FRMD4A: variants seen among roughly 807,000 people sequenced by gnomAD.
The protein encoded by FRMD4A is FERM domain-containing protein 4A.
Under a neutral mutation model 129.1 loss-of-function variants are expected in FRMD4A, and 29 were observed. That is an observed-to-expected ratio of 0.22 (90% CI 0.17 to 0.31). The LOEUF is 0.31. Ranked by LOEUF, FRMD4A falls within the 10% of genes least tolerant of loss-of-function variation. FRMD4A has a pLI of 1.00. For synonymous variants in FRMD4A, 634 were observed against 571.6 expected (o/e 1.11, Z -1.56); for missense variants, 1,272 against 1,375.8 (o/e 0.92, Z 1.19).
chr10:13,734,664 T>A (rs962801321), intron 12 of FRMD4A, among the ~76,000 whole-genome samples: 2 of 152,146 alleles, frequency 1.3e-5, no homozygotes, highest in African/African-American at 4.8e-5. Context: ...TTACACCCAG[T>A]TGACGCCTGC....
chr10:13,703,968 G>A (rs2087133905), intron 13 of FRMD4A, among the ~76,000 whole-genome samples: 1 of 152,156 alleles, frequency 6.6e-6, no homozygotes, highest in Non-Finnish European at 1.5e-5. Flanking sequence ...TGGCGCCACT[G>A]CATTCCAGCC....
At chr10:14,251,534 C>G (rs1380456713) in intron 2 of FRMD4A, among the ~76,000 whole-genome samples, 1 of 152,206 alleles carries the variant, frequency 6.6e-6, no homozygotes. Context: ...CCCAATTTCC[C>G]ATCCACAGAA....
Position 13,971,752 on chromosome 10 carries a change from G to A in FRMD4A, c.46-112840C>T, listed in dbSNP as rs767119610. 20 of 1,304,430 alleles carry A rather than the reference G, an allele frequency of 1.5e-5. 1 individual carries two copies. The South Asian group carries it at 2.5e-4, about 16-fold the overall frequency. 80.8% of individuals were successfully genotyped at this position (1,304,430 alleles called of 1,614,324 possible). A position where few individuals can be genotyped will look rare whatever the true frequency, so the allele number is the denominator to read the frequency against. ...AGGTCCTCAGCGCCCGACAAGTCAG[G>A]TTCCAACTCCACGGTGGGTCCTCAG... On this transcript the variant is annotated intron_variant, in intron 2 of 24. Coordinates refer to ENST00000357447, the MANE Select transcript of FRMD4A (RefSeq NM_018027.5).
chr10:13,806,621 C>G (rs78043046), intron 4 of FRMD4A, among the ~76,000 whole-genome samples: 1 of 152,102 alleles, frequency 6.6e-6, no homozygotes, highest in Non-Finnish European at 1.5e-5. Flanking sequence ...GCAACATGCC[C>G]GCTGTCTAGA....
intron 3 of FRMD4A, among the ~76,000 whole-genome samples, chr10:13,857,640 C>G (rs752210320): frequency 3.9e-5 from 6 of 152,182 alleles, no homozygotes; most frequent in Admixed American, 2.6e-4. Flanking sequence ...TGTCTGCATG[C>G]GAGTTTCCCC....
intron 2 of FRMD4A, among the ~76,000 whole-genome samples, chr10:14,100,925 T>C (rs1837268463): frequency 6.6e-6 from 1 of 152,196 alleles, no homozygotes; most frequent in Admixed American, 6.5e-5. Flanking sequence ...TGTACAAGTC[T>C]TTCGGCATCT....
rs140409080 is a variant in FRMD4A, at chr10:14,236,525, G to A, written c.45+93533C>T. 3.7e-4 allele frequency among the ~76,000 whole-genome samples: 56 copies of A among 152,294 alleles called. No individual in the cohort carries two copies. The East Asian group carries it at 9.1e-3, about 25-fold the overall frequency. On this transcript the variant is annotated intron_variant, in intron 2 of 24. Coordinates refer to ENST00000357447, the MANE Select transcript of FRMD4A (RefSeq NM_018027.5). ...ATGCTTGCTGCTGCTGCTGGAGCCT[G>A]GGTCAGCTCTGCGGATCACCACCTG...
At chr10:14,100,222 G>A (rs549967721) in intron 2 of FRMD4A, among the ~76,000 whole-genome samples, 1 of 152,312 alleles carries the variant, frequency 6.6e-6, no homozygotes, top group East Asian at 1.9e-4. Context: ...CGCATGTGGT[G>A]AAAGGAAACG....
In FRMD4A at chr10:14,208,469, T is replaced by A. The variant is rs548058599; in HGVS notation, c.45+121589A>T. On this transcript the variant is annotated intron_variant, in intron 2 of 24. Coordinates refer to ENST00000357447, the MANE Select transcript of FRMD4A (RefSeq NM_018027.5). The stretch of plus-strand genomic sequence containing the variant: ...CGCGTGGATGCTGCAGGGGGTGACA[T>A]CCTAGTTAGTCCCAAGAGCCAGACT... Among the ~76,000 whole-genome samples the A allele has an allele frequency of 1.2e-3, 177 of 152,132 alleles. 1 individual carries two copies. The highest frequency in any genetic ancestry group is 4.2e-3 in the African/African-American group (174 of 41,538).
intron 2 of FRMD4A, among the ~76,000 whole-genome samples, chr10:14,278,573 A>G (rs2132056825): frequency 6.6e-6 from 1 of 152,352 alleles, no homozygotes; most frequent in East Asian, 1.9e-4. Context: ...GAAATAAATA[A>G]ATAGGGCCAG....
chr10:13,884,333 AAATAGG>A (rs899674556), intron 2 of FRMD4A, among the ~76,000 whole-genome samples: 2 of 152,158 alleles, frequency 1.3e-5, no homozygotes, highest in African/African-American at 4.8e-5. Context: ...TAATAAATAA[AAATAGG>A]AGTTGAAAAT....
intron 6 of FRMD4A, 57 bp from the exon 7 acceptor site, chr10:13,762,737 C>A: frequency 3.6e-6 from 4 of 1,124,624 alleles, no homozygotes; most frequent in Non-Finnish European, 5.4e-6. Context: ...CCATTTTTTT[C>A]TTTTATTTTA....
At chr10:13,863,666 T>A (rs183031218) in intron 2 of FRMD4A, among the ~76,000 whole-genome samples, 20 of 151,592 alleles carry the variant, frequency 1.3e-4, no homozygotes, top group Admixed American at 3.9e-4. Context: ...GGCAAAAAAA[T>A]ATATATATAG....
At chr10:14,126,796 A>G (rs1160188585) in intron 2 of FRMD4A, among the ~76,000 whole-genome samples, 5 of 152,132 alleles carry the variant, frequency 3.3e-5, no homozygotes. Context: ...AAAGGAGAAT[A>G]CTTCTTGGGG....
chr10:14,278,716 A>G (rs1342036450), intron 2 of FRMD4A, among the ~76,000 whole-genome samples: 7 of 152,156 alleles, frequency 4.6e-5, no homozygotes, highest in Non-Finnish European at 1.5e-5. Flanking sequence ...TTTCCAGCTG[A>G]CCACGAGAAA....
chr10:13,690,529 G>A lies in FRMD4A; in HGVS notation c.1117+3369C>T, dbSNP rs553508625. Among the ~76,000 whole-genome samples, 5 of 152,366 alleles carry A rather than the reference G, an allele frequency of 3.3e-5. No homozygotes were observed. The South Asian group carries it at 1.0e-3, about 32-fold the overall frequency. On this transcript the variant is annotated intron_variant, in intron 15 of 24. Coordinates refer to ENST00000357447, the MANE Select transcript of FRMD4A (RefSeq NM_018027.5). The stretch of plus-strand genomic sequence containing the variant: ...GTCTTGGCCCTCCTAAGTCACAGGA[G>A]GTGGGTGTGGGGCACCCCAAGGAGC...
intron 2 of FRMD4A, among the ~76,000 whole-genome samples, chr10:14,275,893 G>A (rs115423812): frequency 0.015 from 2,282 of 152,240 alleles, 51 homozygotes; most frequent in African/African-American, 0.052. Context: ...ACAAAAATTA[G>A]CGAGGAGTAG....
intron 2 of FRMD4A, among the ~76,000 whole-genome samples, chr10:13,957,285 C>A (rs560564155): frequency 1.3e-5 from 2 of 152,304 alleles, no homozygotes; most frequent in East Asian, 1.9e-4. Flanking sequence ...CAGAGTTTCG[C>A]TCTTGCTGCC....
At chr10:14,304,658 G>A (rs1464865214) in intron 2 of FRMD4A, among the ~76,000 whole-genome samples, 1 of 152,174 alleles carries the variant, frequency 6.6e-6, no homozygotes, top group African/African-American at 2.4e-5. Flanking sequence ...GGAAGGGTCT[G>A]TCTATGTCCC....
Sources: allele counts gnomAD v4.1 joint callset (sites outside exome capture counted in the v4.1 genomes callset), GRCh38; gene constraint gnomAD v4.1.1; transcripts MANE v1.5; gene names NCBI Gene and HGNC (gene_info 2026-07-23, HGNC 2026-07-21).